The following MTERF4 variants were observed in gnomAD, a reference collection of about 807,000 sequenced individuals.
MTERF4 encodes transcription termination factor 4, mitochondrial.
A neutral mutation model predicts 22.5 loss-of-function variants in MTERF4; 17 were observed. The ratio of observed to expected loss-of-function variants is 0.75; its 90% CI spans 0.52 to 1.13. The LOEUF (loss-of-function observed/expected upper bound fraction) is 1.13, where lower values mean the gene tolerates loss of function less well. Ranked by LOEUF, MTERF4 falls within the 50% of genes most tolerant of loss-of-function variation. The pLI, the probability that MTERF4 is intolerant of heterozygous loss-of-function variation, is 0.00. For missense variants in MTERF4, 420 were observed against 466.8 expected (o/e 0.90, Z 0.92); for synonymous variants, 165 against 175.3 (o/e 0.94, Z 0.47).
downstream of MTERF4, chr2:241,082,347 A>G: frequency 1.2e-6 from 2 of 1,612,878 alleles, no homozygotes; most frequent in South Asian, 2.2e-5. Flanking sequence ...TCTGGGAGGG[A>G]GGCGTCTGTC....
At chr2:241,060,984 T>C in the MTERF4 span, among the ~76,000 whole-genome samples, 2 of 151,842 alleles carry the variant, frequency 1.3e-5, no homozygotes, top group Non-Finnish European at 2.9e-5. Context: ...TATAGGTAAA[T>C]ATATTTTTGA....
At chr2:241,055,432 C>T in the MTERF4 span, among the ~76,000 whole-genome samples, 1 of 152,184 alleles carries the variant, frequency 6.6e-6, no homozygotes, top group Non-Finnish European at 1.5e-5. Context: ...TCAAACTTCT[C>T]AACAGCAATA....
At chr2:241,099,285 G>T in intron 2 of MTERF4, 111 bp downstream of exon 2, 1 of 1,228,816 alleles carries the variant, frequency 8.1e-7, no homozygotes. Context: ...ATGTTGGCCA[G>T]GCTGATCTTG....
downstream of MTERF4, chr2:241,092,303 G>C (rs1374050360): frequency 6.6e-6 from 1 of 152,214 alleles, no homozygotes; most frequent in Non-Finnish European, 1.5e-5. The surrounding 1 kb of genome is among the most constrained non-coding windows in gnomAD (Gnocchi z 4.6). Context: ...TCTCTATCAA[G>C]GGTCAGACGG....
At chr2:241,083,969 A>ATTACT (rs532819488), downstream of MTERF4, among the ~76,000 whole-genome samples, 559 of 143,566 alleles carry the variant, frequency 3.9e-3, 1 homozygote, top group Middle Eastern at 0.01. Context: ...CTAATTTTGG[A>ATTACT]TTACTTTTTA....
chr2:241,061,850 C>T, the MTERF4 span, among the ~76,000 whole-genome samples: 10 of 149,368 alleles, frequency 6.7e-5, no homozygotes, highest in African/African-American at 2.5e-4. Context: ...AAACTCCATC[C>T]CCCCAAAAAA....
intron 4 of MTERF4, among the ~76,000 whole-genome samples, chr2:241,079,273 G>A (rs1409457871): frequency 4.7e-5 from 7 of 149,226 alleles, no homozygotes; most frequent in Admixed American, 1.3e-4. Context: ...TTAGCCGGGC[G>A]CAGTGGCAGG....
At chr2:241,071,146 C>T (rs552414732), downstream of MTERF4, among the ~76,000 whole-genome samples, 29 of 152,302 alleles carry the variant, frequency 1.9e-4, no homozygotes, top group Admixed American at 3.3e-4. Flanking sequence ...GATGCACCCT[C>T]ACTCTCAGGG....
the MTERF4 span, among the ~76,000 whole-genome samples, chr2:241,060,463 C>T: frequency 2.8e-4 from 42 of 152,128 alleles, no homozygotes; most frequent in South Asian, 1.2e-3. Flanking sequence ...ATTACAGGCG[C>T]GAGCCACCAT....
chr2:241,080,937 A>T (rs758081), intron 4 of MTERF4, among the ~76,000 whole-genome samples: 50,152 of 152,172 alleles, frequency 0.33, 12,223 homozygotes, highest in African/African-American at 0.67. Flanking sequence ...AGCGACAGGG[A>T]CAGACACAGG....
At position 241,073,233 on chromosome 2, in the gene MTERF4, T is replaced by C. The variant is rs1436461186; in HGVS notation, n.2929A>G. 1.3e-6 allele frequency: 2 copies of C among 1,500,970 alleles called. No individual in the cohort carries two copies. Among genetic ancestry groups the C allele is most frequent in the East Asian group, 4.9e-5 (2 of 40,492 alleles). 93.0% of individuals were successfully genotyped at this position (1,500,970 alleles called of 1,614,324 possible). A position where few individuals can be genotyped will look rare whatever the true frequency, so the allele number is the denominator to read the frequency against. ...AGGACCATCCCGGGTGCAAAGCAGC[T>C]GCGCCGTGTGGTCACCGCCTGGCTT... On this transcript the variant is annotated non_coding_transcript_exon_variant, in exon 5 of 5. Transcript: ENST00000464344. The surrounding 1 kb of genome is among the most constrained non-coding windows in gnomAD (Gnocchi z 6.6).
downstream of MTERF4, chr2:241,071,858 A>G (rs759650622): frequency 6.2e-7 from 1 of 1,605,374 alleles, no homozygotes; most frequent in South Asian, 1.1e-5. Flanking sequence ...TCACCCAGCA[A>G]AGCAGCCACC....
the MTERF4 span, among the ~76,000 whole-genome samples, chr2:241,043,587 G>T: frequency 6.6e-6 from 1 of 152,084 alleles, no homozygotes; most frequent in African/African-American, 2.4e-5. Flanking sequence ...AATGAAGAGT[G>T]TTAAAAATGA....
downstream of MTERF4, chr2:241,087,518 C>G: frequency 6.4e-7 from 1 of 1,566,892 alleles, no homozygotes; most frequent in Non-Finnish European, 8.6e-7. Flanking sequence ...TGCATGTAGC[C>G]CACAGGGTGA....
the MTERF4 span, among the ~76,000 whole-genome samples, chr2:241,047,161 A>AG: frequency 3.7e-5 from 4 of 107,704 alleles, no homozygotes; most frequent in South Asian, 9.7e-4. Context: ...AAAAAAAAAA[A>AG]AAAAAAAAGT....
downstream of MTERF4, among the ~76,000 whole-genome samples, chr2:241,068,470 A>G (rs1442658070): frequency 2.0e-5 from 3 of 152,144 alleles, no homozygotes; most frequent in East Asian, 5.8e-4. This position sits in a 1 kb window ranked among gnomAD's most constrained non-coding sequence, Gnocchi z 5.3. Flanking sequence ...GTGCAGGAAA[A>G]GATCGGAGAG....
At chr2:241,049,168 G>A in the MTERF4 span, 2 of 1,551,788 alleles carry the variant, frequency 1.3e-6, no homozygotes, top group Non-Finnish European at 1.8e-6. Flanking sequence ...TGCTGGGCCG[G>A]GGGCCCGGAC....
exon 5 of MTERF4, chr2:241,074,353 T>C (rs967807771): frequency 4.0e-5 from 6 of 151,730 alleles, no homozygotes; most frequent in Non-Finnish European, 5.9e-5. Context: ...CCAGGAGGAC[T>C]GGTTTGTGCA....
chr2:241,072,486 C>T, exon 5 of MTERF4: 1 of 343,100 alleles, frequency 2.9e-6, no homozygotes, highest in South Asian at 2.2e-5. Context: ...GCCCTTGCCT[C>T]TCACCTGGAA....
Sources: gnomAD v4.1 joint callset for allele counts (sites outside exome capture counted in the v4.1 genomes callset) on GRCh38, gnomAD v4.1.1 for gene constraint, Gnocchi (gnomAD v3.1) non-coding constraint, MANE v1.5 for transcripts, NCBI Gene and HGNC (gene_info 2026-07-23, HGNC 2026-07-21) for gene names.